Variants in PHF14 observed in about 807,000 individuals in gnomAD.
The protein encoded by PHF14 is PHD finger protein 14.
Under a neutral mutation model 117.9 loss-of-function variants are expected in PHF14, and 55 were observed. The observed-to-expected ratio is 0.47, with a 90% CI of 0.38 to 0.58. The LOEUF (loss-of-function observed/expected upper bound fraction) is 0.58. PHF14 is among the 20% of genes least tolerant of loss of function. The pLI is 0.00. For missense variants in PHF14, 978 were observed against 1,122.2 expected, an observed-to-expected ratio of 0.87 and a Z score of 1.84; for synonymous variants, 409 against 368.6, an observed-to-expected ratio of 1.11 and a Z score of -1.26.
At chr7:11,153,519 T>C (rs1340399680) in intron 17 of PHF14, among the ~76,000 whole-genome samples, 3 of 152,050 alleles carry the variant, frequency 2.0e-5, no homozygotes, top group African/African-American at 7.2e-5. Flanking sequence ...AAGCATGGTA[T>C]AGATGTGAGG....
chr7:11,070,142 G>A (rs901328862), intron 16 of PHF14, among the ~76,000 whole-genome samples: 7 of 152,054 alleles, frequency 4.6e-5, no homozygotes, highest in African/African-American at 1.4e-4. Context: ...AAGGTCTCAT[G>A]ATCACAGCTC....
intron 7 of PHF14, among the ~76,000 whole-genome samples, chr7:11,031,199 A>G (rs1466332302): frequency 6.6e-6 from 1 of 152,022 alleles, no homozygotes; most frequent in African/African-American, 2.4e-5. Flanking sequence ...TGTTAAAAAA[A>G]AAAGGTTGAA....
chr7:11,029,962 T>A (rs1281162643), intron 7 of PHF14, among the ~76,000 whole-genome samples: 1 of 151,968 alleles, frequency 6.6e-6, no homozygotes, highest in Non-Finnish European at 1.5e-5. Context: ...GAAGAAAAAT[T>A]GTAGAAAAAA....
At chr7:10,995,707 G>A (rs1335384557) in intron 4 of PHF14, among the ~76,000 whole-genome samples, 3 of 152,208 alleles carry the variant, frequency 2.0e-5, no homozygotes, top group African/African-American at 7.2e-5. Context: ...CAGGGAGGCA[G>A]CTGAGGCCCG....
intron 6 of PHF14, among the ~76,000 whole-genome samples, chr7:11,025,516 G>A (rs1207836760): frequency 3.9e-5 from 6 of 152,086 alleles, no homozygotes; most frequent in South Asian, 2.1e-4. Context: ...CTTGCCAGCC[G>A]GGCACGGTGG....
At position 11,142,861 on chromosome 7, in the gene PHF14, C is replaced by T. The variant is rs531749859; in HGVS notation, c.2773-26555C>T. Among the ~76,000 whole-genome samples the T allele has an allele frequency of 9.2e-5, 14 of 152,084 alleles. No homozygotes were observed. In the South Asian group the frequency reaches 2.1e-3, roughly 23 times the overall value. On this transcript the variant is annotated intron_variant, in intron 17 of 17. Transcript: ENST00000634607. ...TTCTAAGTATACATTGATAAAACTC[C>T]GTTAATGACTTAATGGTTAATTGGC...
Position 11,104,744 on chromosome 7 carries a change from C to G in PHF14, c.2655-6606C>G, listed in dbSNP as rs138453515. The stretch of plus-strand genomic sequence containing the variant: ...ATTCCTCTCCTGGATCTGCCCTCTG[C>G]CCACTTTACTCCCTCCCCCTTCACC... On this transcript the variant is annotated intron_variant, in intron 16 of 17. Transcript: ENST00000634607. The G allele has an allele frequency of 8.1e-4, 510 of 632,124 alleles. 1 individual carries two copies. The highest frequency in any genetic ancestry group is 1.9e-3 in the South Asian group (27 of 14,200). The allele number at this position is 632,124 out of a possible 1,614,324, so 39.2% of individuals were successfully genotyped here. A position where few individuals can be genotyped will look rare whatever the true frequency, so the allele number is the denominator to read the frequency against.
chr7:11,045,382 T>C (rs1784630199), intron 13 of PHF14, among the ~76,000 whole-genome samples: 1 of 152,130 alleles, frequency 6.6e-6, no homozygotes, highest in Non-Finnish European at 1.5e-5. Flanking sequence ...CTTCCACAGG[T>C]CCCTCTGGTA....
At chr7:11,008,909 G>A (rs933897846) in intron 4 of PHF14, among the ~76,000 whole-genome samples, 3 of 151,660 alleles carry the variant, frequency 2.0e-5, no homozygotes, top group African/African-American at 7.3e-5. Context: ...GGTGGTGGGC[G>A]CCTGTAGTCC....
intron 4 of PHF14, among the ~76,000 whole-genome samples, chr7:10,994,424 G>A (rs1233146587): frequency 6.6e-6 from 1 of 152,192 alleles, no homozygotes; most frequent in Admixed American, 6.5e-5. Context: ...GGGCAACAGA[G>A]TGAGACTCCG....
chr7:10,983,336 TCTA>T (rs2128308288), intron 3 of PHF14, among the ~76,000 whole-genome samples, 177 bp downstream of exon 3: 1 of 152,318 alleles, frequency 6.6e-6, no homozygotes, highest in Non-Finnish European at 1.5e-5. Flanking sequence ...TTATTAAATA[TCTA>T]CTATTTGTCA....
chr7:11,139,658 A>G (rs1372181857), intron 17 of PHF14, among the ~76,000 whole-genome samples: 1 of 152,204 alleles, frequency 6.6e-6, no homozygotes, highest in African/African-American at 2.4e-5. Flanking sequence ...CTGGAGGTTT[A>G]AAAGGGAAGT....
chr7:11,114,566 A>G (rs944835805), intron 17 of PHF14, among the ~76,000 whole-genome samples: 4 of 152,140 alleles, frequency 2.6e-5, no homozygotes, highest in Non-Finnish European at 4.4e-5. Flanking sequence ...TTTAATAACA[A>G]TTCACCTAAA....
chr7:11,050,919 C>T (rs2214858), intron 13 of PHF14, among the ~76,000 whole-genome samples: 89,089 of 151,928 alleles, frequency 0.59, 28,052 homozygotes, highest in East Asian at 0.85. Context: ...CAAGTTGTCA[C>T]TGACTACAAT....
chr7:11,031,001 A>T (rs1004058107), intron 7 of PHF14, among the ~76,000 whole-genome samples: 28 of 152,210 alleles, frequency 1.8e-4, no homozygotes, highest in African/African-American at 6.5e-4. Flanking sequence ...GTACTTATGT[A>T]CATAAGGATT....
rs551065305 is a variant in PHF14 at position 11,049,389 on chromosome 7, C to T, written c.2313-2223C>T. Among the ~76,000 whole-genome samples, 188 of 150,664 alleles carry T rather than the reference C, an allele frequency of 1.2e-3. 1 individual carries two copies. Among genetic ancestry groups the T allele is most frequent in the African/African-American group, 4.2e-3 (171 of 41,004 alleles). On this transcript the variant is annotated intron_variant, in intron 13 of 17. Coordinates refer to ENST00000634607, the MANE Select transcript of PHF14 (RefSeq NM_001007157.2). ...ACTTAGGAAGCTGAGGCAGGAGAAT[C>T]GCTTGAATGGGGAAGGTGGAGGTTG... is the stretch of plus-strand genomic sequence containing the variant.
intron 4 of PHF14, among the ~76,000 whole-genome samples, chr7:11,002,846 C>T (rs1242784410): frequency 1.3e-5 from 2 of 152,136 alleles, no homozygotes; most frequent in African/African-American, 4.8e-5. Flanking sequence ...GTGTGAGCAC[C>T]AATAGAAGGT....
rs946811104 is a variant in PHF14 at position 10,982,426 on chromosome 7, G to A, written c.167G>A (p.Gly56Asp). The change falls in exon 3 of 18, where the codon GGT becomes GAT. Residue 56 changes from glycine (G) to aspartate (D), a missense_variant. Gly to Asp is a moderately conservative substitution (Grantham distance 94, BLOSUM62 -1). Coordinates refer to ENST00000634607, the MANE Select transcript of PHF14 (RefSeq NM_001007157.2). ...SEDASKDSGE[G>D]SCSDSEENIL... ...GATGCTTCAAAGGACAGTGGAGAAG[G>A]TTCCTGTAGTGATTCTGAAGAAAAT... 6.3e-7 allele frequency: 1 copy of A among 1,593,018 alleles called. No individual in the cohort carries two copies. Among genetic ancestry groups the A allele is most frequent in the Non-Finnish European group, 8.6e-7 (1 of 1,169,418 alleles).
At chr7:11,006,225 A>C (rs1273530178) in intron 4 of PHF14, among the ~76,000 whole-genome samples, 1 of 152,208 alleles carries the variant, frequency 6.6e-6, no homozygotes, top group African/African-American at 2.4e-5. Context: ...TTTTGGATAT[A>C]ATCTCTTTAT....
Sources: allele counts gnomAD v4.1 joint callset (sites outside exome capture counted in the v4.1 genomes callset), GRCh38; gene constraint gnomAD v4.1.1; transcripts MANE v1.5; gene names NCBI Gene and HGNC (gene_info 2026-07-23, HGNC 2026-07-21).